The following NEGR1 variants were observed in gnomAD, a reference collection of about 807,000 sequenced individuals.
NEGR1 encodes the protein neuronal growth regulator 1.
In NEGR1, 10 loss-of-function variants were observed where a neutral mutation model predicts 40.9. That is an observed-to-expected ratio of 0.24 (90% CI 0.15 to 0.42). The LOEUF is 0.42. Ranked by LOEUF, NEGR1 falls within the 10% of genes least tolerant of loss-of-function variation. NEGR1 has a pLI of 1.00. For missense variants in NEGR1, 352 were observed against 438.9 expected (o/e 0.80, Z 1.77); for synonymous variants, 185 against 166.8 (o/e 1.11, Z -0.84).
intron 1 of NEGR1, among the ~76,000 whole-genome samples, chr1:72,229,322 T>G (rs1236553082): frequency 6.7e-6 from 1 of 149,184 alleles, no homozygotes; most frequent in African/African-American, 2.4e-5. Context: ...TAAGTACAAA[T>G]TATATTATAT....
At chr1:72,124,231 C>T (rs1171375822) in intron 1 of NEGR1, among the ~76,000 whole-genome samples, 1 of 151,956 alleles carries the variant, frequency 6.6e-6, no homozygotes, top group East Asian at 1.9e-4. Flanking sequence ...ATGACCCTCT[C>T]CAGTCCTAAG....
At chr1:72,124,985 C>T (rs1265712664) in intron 1 of NEGR1, among the ~76,000 whole-genome samples, 6 of 151,768 alleles carry the variant, frequency 4.0e-5, no homozygotes, top group Non-Finnish European at 5.9e-5. Flanking sequence ...AATTTTATGG[C>T]GTATATAAAA....
At position 71,915,630 on chromosome 1, in the gene NEGR1, C is replaced by A. The variant is rs185325980; in HGVS notation, c.409+19449G>T. ...CTTCCCATAGACTAAGGGTCTCAAA[C>A]TTGGGTTAATATAGCTCCTAAGTGG... On this transcript the variant is annotated intron_variant, in intron 2 of 6. Transcript: ENST00000357731. Among the ~76,000 whole-genome samples the A allele has an allele frequency of 5.2e-3, 788 of 152,190 alleles. 3 individuals carry two copies. The highest frequency in any genetic ancestry group is 9.0e-3 in the Non-Finnish European group (615 of 67,998).
intron 6 of NEGR1, among the ~76,000 whole-genome samples, chr1:71,420,934 C>G (rs1646389808): frequency 6.6e-6 from 1 of 151,788 alleles, no homozygotes; most frequent in African/African-American, 2.4e-5. Context: ...ACATTTCAAC[C>G]AATAAAATAC....
At chr1:71,710,326 T>TA (rs1446506355) in intron 3 of NEGR1, among the ~76,000 whole-genome samples, 1 of 152,150 alleles carries the variant, frequency 6.6e-6, no homozygotes. Context: ...GAGATTCCCC[T>TA]AAAACTAAAA....
At chr1:71,711,184 A>G (rs1654070273) in intron 3 of NEGR1, among the ~76,000 whole-genome samples, 2 of 151,652 alleles carry the variant, frequency 1.3e-5, no homozygotes, top group South Asian at 4.2e-4. Flanking sequence ...AAAAAAAAAA[A>G]AATACAAAAA....
chr1:71,457,058 T>C (rs1291481999), intron 6 of NEGR1, among the ~76,000 whole-genome samples: 2 of 151,846 alleles, frequency 1.3e-5, no homozygotes, highest in African/African-American at 4.8e-5. Context: ...CTTCTGAGAG[T>C]CCTCACATCT....
At chr1:71,586,849 A>G (rs1036157083) in intron 6 of NEGR1, among the ~76,000 whole-genome samples, 1 of 152,086 alleles carries the variant, frequency 6.6e-6, no homozygotes, top group East Asian at 1.9e-4. Context: ...TTTGGTAGAG[A>G]ACGACTTGAT....
chr1:72,034,300 A>C (rs892045298), intron 1 of NEGR1, among the ~76,000 whole-genome samples: 1 of 152,212 alleles, frequency 6.6e-6, no homozygotes, highest in Non-Finnish European at 1.5e-5. Context: ...AAAACACCAG[A>C]AGGGGTTCCA....
intron 4 of NEGR1, among the ~76,000 whole-genome samples, chr1:71,688,293 GA>G (rs1653105777): frequency 9.9e-6 from 1 of 101,210 alleles, no homozygotes; most frequent in Non-Finnish European, 1.9e-5. Context: ...AGGTGAACTG[GA>G]GGAGTTTCCC....
At position 71,750,348 on chromosome 1, in the gene NEGR1, G is replaced by A. The variant is rs184875884; in HGVS notation, c.535+25824C>T. Among the ~76,000 whole-genome samples the A allele has an allele frequency of 9.9e-5, 15 of 152,258 alleles. No homozygotes were observed. In the East Asian group the frequency reaches 2.7e-3, roughly 27 times the overall value. ...GTGTTATATTCTCTTTGCCCTATAT[G>A]AGCAAAGGTCAGATTTTAGATTTTT... On this transcript the variant is annotated intron_variant, in intron 3 of 6. Transcript: ENST00000357731.
chr1:71,914,818 T>C (rs977992105), intron 2 of NEGR1, among the ~76,000 whole-genome samples: 1 of 152,170 alleles, frequency 6.6e-6, no homozygotes, highest in Non-Finnish European at 1.5e-5. Flanking sequence ...ATCAAAGAAG[T>C]TAGGAAACAA....
intron 1 of NEGR1, among the ~76,000 whole-genome samples, chr1:71,949,670 CA>C (rs1482819603): frequency 1.3e-5 from 2 of 152,028 alleles, no homozygotes; most frequent in Admixed American, 1.3e-4. Flanking sequence ...ACTTTTGTTT[CA>C]AATTATCCTA....
At chr1:71,887,707 CT>C (rs1660764442) in intron 2 of NEGR1, among the ~76,000 whole-genome samples, 1 of 152,058 alleles carries the variant, frequency 6.6e-6, no homozygotes, top group African/African-American at 2.4e-5. Flanking sequence ...ACTGAAGCCA[CT>C]TTACAGTAGT....
At chr1:72,177,021 A>G (rs953417055) in intron 1 of NEGR1, among the ~76,000 whole-genome samples, 1 of 152,068 alleles carries the variant, frequency 6.6e-6, no homozygotes, top group Admixed American at 6.5e-5. Flanking sequence ...ACATTTTCAC[A>G]TAAAATGGAA....
intron 6 of NEGR1, among the ~76,000 whole-genome samples, chr1:71,554,037 T>C (rs1034817409): frequency 6.6e-6 from 1 of 151,560 alleles, no homozygotes; most frequent in African/African-American, 2.4e-5. Flanking sequence ...GATCCATTGC[T>C]TTAATTAATA....
At chr1:71,680,126 C>T (rs1205130793) in intron 4 of NEGR1, among the ~76,000 whole-genome samples, 2 of 151,914 alleles carry the variant, frequency 1.3e-5, no homozygotes, top group Non-Finnish European at 2.9e-5. Flanking sequence ...ATTAGAGCCT[C>T]ATAAAATTAT....
chr1:71,510,185 T>C (rs1647063443), intron 6 of NEGR1, among the ~76,000 whole-genome samples: 1 of 152,210 alleles, frequency 6.6e-6, no homozygotes, highest in Admixed American at 6.5e-5. Flanking sequence ...CAGTGGGATG[T>C]TGTATTATCC....
chr1:71,942,478 TATATA>T (rs1182387943), intron 1 of NEGR1, among the ~76,000 whole-genome samples: 54 of 17,910 alleles, frequency 3.0e-3, no homozygotes, highest in African/African-American at 0.011. Flanking sequence ...TATATATATA[TATATA>T]TTTTTTTTTT....
Sources: gnomAD v4.1 joint callset for allele counts (sites outside exome capture counted in the v4.1 genomes callset) on GRCh38, gnomAD v4.1.1 for gene constraint, MANE v1.5 for transcripts, NCBI Gene and HGNC (gene_info 2026-07-23, HGNC 2026-07-21) for gene names.